CNOT4: variants seen among roughly 807,000 people sequenced by gnomAD.
CNOT4 encodes the protein CCR4-associated factor 4.
A neutral mutation model predicts 73.8 loss-of-function variants in CNOT4; 8 were observed. That is an observed-to-expected ratio of 0.11 (90% CI 0.06 to 0.20). The LOEUF (loss-of-function observed/expected upper bound fraction) is 0.20, where lower values mean the gene tolerates loss of function less well. Ranked by LOEUF, CNOT4 falls within the 10% of genes least tolerant of loss-of-function variation. The pLI, the probability that CNOT4 is intolerant of heterozygous loss-of-function variation, is 1.00. For synonymous variants in CNOT4, 293 were observed against 321.1 expected (o/e 0.91, Z 0.94); for missense variants, 564 against 883.4 (o/e 0.64, Z 4.58).
chr7:135,388,866 C>T (rs1200644808), intron 10 of CNOT4: 1 of 1,613,002 alleles, frequency 6.2e-7, no homozygotes, highest in East Asian at 2.2e-5. Flanking sequence ...TTGACAGTGG[C>T]ATGGTCGAAA....
chr7:135,377,507 C>CT (rs1455148644), intron 10 of CNOT4, among the ~76,000 whole-genome samples: 1 of 152,160 alleles, frequency 6.6e-6, no homozygotes, highest in East Asian at 1.9e-4. Context: ...GACTATTTTG[C>CT]TTTTTATTCC....
At chr7:135,422,408 G>GT (rs1798241469) in intron 2 of CNOT4, 55 bp from the exon 3 acceptor site, 1 of 805,452 alleles carries the variant, frequency 1.2e-6, no homozygotes. Flanking sequence ...AAAAAACTGC[G>GT]TAAGTAATTA....
In CNOT4 at chr7:135,362,941, G is replaced by A. The variant is rs201606362; in HGVS notation, c.2086C>T (p.Pro696Ser). 3.1e-6 allele frequency: 5 copies of A among 1,612,844 alleles called. No individual in the cohort carries two copies. Among genetic ancestry groups the A allele is most frequent in the East Asian group, 2.2e-5 (1 of 44,832 alleles). The change falls in exon 12 of 12, where the codon CCC (proline) becomes TCC (serine). Residue 696 changes from proline (P) to serine (S), a missense_variant. Around this residue, in one of 10 missense-constraint regions of CNOT4, gnomAD observed 88 missense variants for 94.7 expected, o/e 0.93. Transcript: ENST00000541284. ...AAATCTGTGGGGGTTTTGCTGGGGG[G>A]TCTGAAGGCTGTCTGAAAGCCTGGG... ...PPPGFQTAFR[P>S]PSKTPTDLLQ...
At chr7:135,435,370 C>T (rs1407341372) in intron 2 of CNOT4, among the ~76,000 whole-genome samples, 1 of 152,142 alleles carries the variant, frequency 6.6e-6, no homozygotes, top group Non-Finnish European at 1.5e-5. Context: ...TTCATGCTTT[C>T]TATTTTTTCT....
rs537697356 is a variant in CNOT4 at position 135,470,547 on chromosome 7, G to A, written c.-92-32124C>T. Among the ~76,000 whole-genome samples, 61 of 149,406 alleles carry A rather than the reference G, an allele frequency of 4.1e-4. 1 individual carries two copies. The South Asian group carries it at 0.013, about 31-fold the overall frequency. On this transcript the variant is annotated intron_variant, in intron 1 of 11. Coordinates refer to ENST00000541284, the MANE Select transcript of CNOT4 (RefSeq NM_001190850.2). ...AGATTGTGCCACTGCACTCCAGAGT[G>A]GGCAACAGAGCTAGACTCTGTCTTA...
chr7:135,410,475 TAAG>T (rs763811235), intron 7 of CNOT4, 37 bp downstream of exon 7: 4 of 1,282,556 alleles, frequency 3.1e-6, no homozygotes, highest in East Asian at 5.5e-5. Flanking sequence ...GATCAACTGA[TAAG>T]AAGGTAAGAT....
intron 10 of CNOT4, among the ~76,000 whole-genome samples, chr7:135,382,255 C>T (rs1795886127): frequency 6.6e-6 from 1 of 152,132 alleles, no homozygotes; most frequent in Non-Finnish European, 1.5e-5. Context: ...TAATGCATCT[C>T]AAATTATCAA....
chr7:135,463,573 A>AT (rs1371371079), intron 1 of CNOT4, among the ~76,000 whole-genome samples: 1 of 482 alleles, frequency 2.1e-3, no homozygotes, highest in Non-Finnish European at 5.3e-3. Flanking sequence ...CAACCAACCA[A>AT]CCACCGTGGA....
intron 1 of CNOT4, chr7:135,444,520 C>T (rs139146209): frequency 5.3e-4 from 565 of 1,065,060 alleles, no homozygotes; most frequent in African/African-American, 4.6e-3. Flanking sequence ...TTGCTGTGAA[C>T]GCCAGTGGTC....
chr7:135,402,911 G>A (rs564970345), intron 7 of CNOT4, among the ~76,000 whole-genome samples: 1 of 152,174 alleles, frequency 6.6e-6, no homozygotes, highest in South Asian at 2.1e-4. Context: ...ATAGTCTCAT[G>A]ATTACTTTAA....
At chr7:135,450,406 C>G (rs1800088043) in intron 1 of CNOT4, among the ~76,000 whole-genome samples, 1 of 152,078 alleles carries the variant, frequency 6.6e-6, no homozygotes, top group Non-Finnish European at 1.5e-5. Flanking sequence ...GCAACCTTCG[C>G]CTCCTGGGTT....
chr7:135,446,235 G>A (rs1030101504), intron 1 of CNOT4, among the ~76,000 whole-genome samples: 11 of 152,070 alleles, frequency 7.2e-5, no homozygotes, highest in Non-Finnish European at 4.4e-5. Flanking sequence ...TACAGAAAGT[G>A]GAATAAAGGT....
chr7:135,384,274 C>A, intron 10 of CNOT4: 1 of 165,958 alleles, frequency 6.0e-6, no homozygotes. Flanking sequence ...AGATACAGCC[C>A]ACCTCTCTCT....
At position 135,436,682 on chromosome 7, in the gene CNOT4, G is replaced by A. The variant is rs573096462; in HGVS notation, c.174+1476C>T. ...TATATGTTACATATACAATATATGT[G>A]TAACTATATAAATGTATAAACTATA... On this transcript the variant is annotated intron_variant, in intron 2 of 11. Coordinates refer to ENST00000541284, the MANE Select transcript of CNOT4 (RefSeq NM_001190850.2). Among the ~76,000 whole-genome samples, 29 of 150,714 alleles carry A rather than the reference G, an allele frequency of 1.9e-4. 3 individuals are homozygous for A. The South Asian group carries it at 5.6e-3, about 29-fold the overall frequency.
rs114748926 is a variant in CNOT4 at position 135,444,502 on chromosome 7, G to A, written c.-92-6079C>T. ...GCCCTTTGCAGTGCCCAAGGAGGTCGAGCTCTGTTGCTGTGAACGCCAGTG... is the reference window on the plus strand; with the variant it reads ...GCCCTTTGCAGTGCCCAAGGAGGTCAAGCTCTGTTGCTGTGAACGCCAGTG... On this transcript the variant is annotated intron_variant, in intron 1 of 11. Coordinates refer to ENST00000541284, the MANE Select transcript of CNOT4 (RefSeq NM_001190850.2). 4,888 of 903,216 alleles carry A rather than the reference G, an allele frequency of 5.4e-3. 155 individuals are homozygous for A. The African/African-American group carries it at 0.069, about 13-fold the overall frequency. 56.0% of individuals were successfully genotyped at this position (903,216 alleles called of 1,614,324 possible).
chr7:135,390,711 C>T (rs970605113), intron 10 of CNOT4, among the ~76,000 whole-genome samples: 1 of 152,096 alleles, frequency 6.6e-6, no homozygotes, highest in Non-Finnish European at 1.5e-5. Flanking sequence ...TAATAATTCA[C>T]TGAACAAACC....
chr7:135,426,922 T>TAA (rs1798540159), intron 2 of CNOT4, among the ~76,000 whole-genome samples: 1 of 135,960 alleles, frequency 7.4e-6, no homozygotes, highest in African/African-American at 2.8e-5. Context: ...AAACTCCATC[T>TAA]CAAAAAAAAA....
chr7:135,413,207 G>A (rs577593306), intron 6 of CNOT4, among the ~76,000 whole-genome samples: 1 of 152,046 alleles, frequency 6.6e-6, no homozygotes, highest in Admixed American at 6.6e-5. Context: ...TCGTGGATCT[G>A]TATTAGCATA....
intron 10 of CNOT4, among the ~76,000 whole-genome samples, chr7:135,385,733 T>C (rs1487936259): frequency 1.3e-5 from 2 of 152,180 alleles, no homozygotes; most frequent in Non-Finnish European, 2.9e-5. Flanking sequence ...TACTGAGAGA[T>C]GATAAATAAT....
Sources: gnomAD v4.1 joint callset for allele counts (sites outside exome capture counted in the v4.1 genomes callset) on GRCh38, gnomAD v4.1.1 for gene constraint, gnomAD v4.1.1 regional missense constraint, MANE v1.5 for transcripts, NCBI Gene and HGNC (gene_info 2026-07-23, HGNC 2026-07-21) for gene names.